Variants in ITPR2 observed in about 807,000 individuals in gnomAD.
ITPR2 encodes the protein inositol 1,4,5-trisphosphate receptor type 2, also known as inositol 1,4,5-trisphosphate-gated calcium channel ITPR2.
ITPR2 carries 207 observed loss-of-function variants against 317.1 expected under a neutral mutation model. The ratio of observed to expected loss-of-function variants is 0.65; its 90% CI spans 0.58 to 0.73. The LOEUF (loss-of-function observed/expected upper bound fraction) is 0.73, where lower values mean the gene tolerates loss of function less well. ITPR2 is among the 30% of genes least tolerant of loss of function. The pLI is 0.00. For synonymous variants in ITPR2, 1,156 were observed against 1,149.1 expected (o/e 1.01, Z -0.12); for missense variants, 2,613 against 3,284.0 (o/e 0.80, Z 4.99).
At chr12:26,580,814 A>T (rs980090759) in intron 32 of ITPR2, among the ~76,000 whole-genome samples, 1 of 152,210 alleles carries the variant, frequency 6.6e-6, no homozygotes, top group Non-Finnish European at 1.5e-5. Context: ...TCGTGCTCTG[A>T]TCTTTACATC....
intron 21 of ITPR2, among the ~76,000 whole-genome samples, 180 bp from the exon 22 acceptor site, chr12:26,632,239 T>C (rs936271855): frequency 3.9e-5 from 6 of 152,228 alleles, no homozygotes; most frequent in Admixed American, 1.3e-4. Flanking sequence ...ATTGCAGACA[T>C]GTTTCAAAAT....
At chr12:26,517,781 T>C (rs1943564150) in intron 37 of ITPR2, among the ~76,000 whole-genome samples, 1 of 152,148 alleles carries the variant, frequency 6.6e-6, no homozygotes, top group Non-Finnish European at 1.5e-5. Context: ...GAGATTGCAG[T>C]GAGTTGAGGT....
rs1052072665 is a variant in ITPR2 at position 26,832,552 on chromosome 12, G to A, written c.92+138C>T. ...GGCGAGCGAGAGAGCGGAGCGCACG[G>A]CGCTGTCCGCGGGCGCCGACCCTGC... On this transcript the variant is annotated intron_variant, in intron 1 of 56. Coordinates refer to ENST00000381340, the MANE Select transcript of ITPR2 (RefSeq NM_002223.4). 1.3e-5 allele frequency: 7 copies of A among 553,518 alleles called. No individual in the cohort carries two copies. In the African/African-American group the frequency reaches 1.4e-4, roughly 11 times the overall value. The allele number at this position is 553,518 out of a possible 1,614,324, so 34.3% of individuals were successfully genotyped here. A position where few individuals can be genotyped will look rare whatever the true frequency, so the allele number is the denominator to read the frequency against.
rs570346346 is a variant in ITPR2, at chr12:26,684,557, T to G, written c.1149-1884A>C. On this transcript the variant is annotated intron_variant, in intron 11 of 56. Transcript: ENST00000381340. ...AAAAAGTGCTTCAAGAGTTATATTA[T>G]AATAGTAGTTATTAAGCATTAATTA... Among the ~76,000 whole-genome samples the G allele has an allele frequency of 2.0e-5, 3 of 152,342 alleles. No individual in the cohort carries two copies. The South Asian group carries it at 6.2e-4, about 32-fold the overall frequency.
rs774721728 is a variant in ITPR2 at position 26,561,835 on chromosome 12, C to T, written c.4748G>A (p.Arg1583His). The change falls in exon 35 of 57, where the codon CGC becomes CAC. Residue 1583 changes from arginine (R) to histidine (H), a missense_variant. Physicochemically the swap from Arg to His is conservative, Grantham distance 29. This residue lies in a region of ITPR2 where 926 missense variants were observed against 1,072.8 expected (regional missense o/e 0.86). Coordinates refer to ENST00000381340, the MANE Select transcript of ITPR2 (RefSeq NM_002223.4). ...AGCTTCCTTAAAGCGTGGCCCAGAG[C>T]GAGCTGATAGTCTCCAACCCATTGC... ...RAAMGWRLSA[R>H]SGPRFKEALG... 6.3e-6 allele frequency: 10 copies of T among 1,597,002 alleles called. No homozygotes were observed. In the East Asian group the frequency reaches 6.9e-5, roughly 11 times the overall value.
chr12:26,669,120 C>CA (rs962276279), intron 13 of ITPR2, among the ~76,000 whole-genome samples: 19 of 143,660 alleles, frequency 1.3e-4, no homozygotes, highest in South Asian at 2.2e-4. Flanking sequence ...GATCCTGTCT[C>CA]AAAAAAAAAA....
At chr12:26,814,902 A>C (rs983516485) in intron 1 of ITPR2, among the ~76,000 whole-genome samples, 1 of 152,222 alleles carries the variant, frequency 6.6e-6, no homozygotes, top group Non-Finnish European at 1.5e-5. Context: ...GAAGCATGAT[A>C]ATTTGATTAG....
intron 47 of ITPR2, among the ~76,000 whole-genome samples, chr12:26,437,279 G>A (rs1432427022): frequency 2.0e-5 from 3 of 152,176 alleles, no homozygotes; most frequent in Non-Finnish European, 4.4e-5. Flanking sequence ...AAGGCACATC[G>A]ATTTTCAAAT....
chr12:26,812,246 A>T (rs765355256), intron 1 of ITPR2, among the ~76,000 whole-genome samples: 10 of 152,122 alleles, frequency 6.6e-5, no homozygotes, highest in Non-Finnish European at 1.3e-4. Context: ...CTGCTAATAA[A>T]TAGGTTTAGG....
intron 37 of ITPR2, among the ~76,000 whole-genome samples, chr12:26,535,632 G>C (rs1944068672): frequency 1.3e-5 from 2 of 152,076 alleles, no homozygotes; most frequent in Admixed American, 1.3e-4. Context: ...TGTCTTCCTT[G>C]GGTACTTCAA....
intron 55 of ITPR2, among the ~76,000 whole-genome samples, chr12:26,343,260 G>A (rs989285762): frequency 6.6e-6 from 1 of 152,210 alleles, no homozygotes; most frequent in Non-Finnish European, 1.5e-5. Context: ...CTGCATCAAA[G>A]TCTGTTGGCA....
chr12:26,488,748 G>A (rs571110100), intron 39 of ITPR2, among the ~76,000 whole-genome samples: 3 of 152,304 alleles, frequency 2.0e-5, no homozygotes, highest in African/African-American at 7.2e-5. Flanking sequence ...GGGTTAGAAG[G>A]TGGAAGGAGT....
intron 1 of ITPR2, among the ~76,000 whole-genome samples, chr12:26,818,458 C>T (rs973292297): frequency 1.4e-4 from 21 of 152,208 alleles, no homozygotes; most frequent in African/African-American, 4.6e-4. Flanking sequence ...AAAGGAGGCT[C>T]ATTCTTCGCA....
chr12:26,546,996 T>A (rs1213093669), intron 37 of ITPR2, among the ~76,000 whole-genome samples: 1 of 152,034 alleles, frequency 6.6e-6, no homozygotes, highest in Non-Finnish European at 1.5e-5. Flanking sequence ...TCTAGGCAAA[T>A]AATTTATGGC....
intron 37 of ITPR2, among the ~76,000 whole-genome samples, chr12:26,527,699 T>C (rs771010418): frequency 2.0e-5 from 3 of 152,362 alleles, no homozygotes; most frequent in Middle Eastern, 3.4e-3. Context: ...GATATGTTTC[T>C]GTGGGAAAAC....
chr12:26,492,989 C>G (rs74734088), intron 39 of ITPR2, among the ~76,000 whole-genome samples: 4,150 of 151,336 alleles, frequency 0.027, 142 homozygotes, highest in African/African-American at 0.076. Context: ...GATTATTTGT[C>G]AATTAAAAAT....
At chr12:26,414,379 GA>G (rs1316607820) in intron 51 of ITPR2, among the ~76,000 whole-genome samples, 4 of 152,128 alleles carry the variant, frequency 2.6e-5, no homozygotes, top group Non-Finnish European at 5.9e-5. Context: ...AGGCAAGACA[GA>G]ATACCATTTG....
intron 37 of ITPR2, among the ~76,000 whole-genome samples, chr12:26,528,475 T>C (rs895268339): frequency 1.3e-5 from 2 of 152,242 alleles, no homozygotes; most frequent in Non-Finnish European, 2.9e-5. Context: ...CTCATCTGTA[T>C]GAAAACCTGA....
chr12:26,595,371 G>A, intron 32 of ITPR2, 94 bp downstream of exon 32: 1 of 1,142,624 alleles, frequency 8.8e-7, no homozygotes, highest in Non-Finnish European at 1.3e-6. Flanking sequence ...AAATCAAAAG[G>A]TAGTGAATTT....
Sources: gnomAD v4.1 joint callset for allele counts (sites outside exome capture counted in the v4.1 genomes callset) on GRCh38, gnomAD v4.1.1 for gene constraint, gnomAD v4.1.1 regional missense constraint, MANE v1.5 for transcripts, NCBI Gene and HGNC (gene_info 2026-07-23, HGNC 2026-07-21) for gene names.